NRDE2: variants seen among roughly 807,000 people sequenced by gnomAD.
The protein encoded by NRDE2 is NRDE-2, necessary for RNA interference, domain containing.
In NRDE2, 76 loss-of-function variants were observed where a neutral mutation model predicts 124.2. The ratio of observed to expected loss-of-function variants is 0.61; its 90% CI spans 0.51 to 0.74. The LOEUF (loss-of-function observed/expected upper bound fraction) is 0.74. Ranked by LOEUF, NRDE2 falls within the 30% of genes least tolerant of loss-of-function variation. The probability of loss-of-function intolerance (pLI) is 0.00; values close to 1 mark genes in which losing one functional copy is unlikely to be tolerated. For missense variants in NRDE2, 1,314 were observed against 1,417.3 expected (o/e 0.93, Z 1.17); for synonymous variants, 489 against 528.1 (o/e 0.93, Z 1.01).
rs17799220 is a variant in NRDE2 at position 90,273,102 on chromosome 14, C to A, written c.*5234G>T. The stretch of plus-strand genomic sequence containing the variant: ...CTTTCTCCGTCTATTTCCGTCATTT[C>A]TCTTTCTGAACAAATCAGGCCTAAA... On this transcript the variant is annotated 3_prime_UTR_variant, in exon 14 of 14. Transcript: ENST00000354366. 0.15 allele frequency: 23,073 copies of A among 152,148 alleles called. 2,131 individuals are homozygous for A. The highest frequency in any genetic ancestry group is 0.2 in the South Asian group (985 of 4,816). The allele number at this position is 152,148 out of a possible 1,614,324, so 9.4% of individuals were successfully genotyped here.
intron 12 of NRDE2, among the ~76,000 whole-genome samples, chr14:90,283,713 GTT>G (rs200387827): frequency 2.8e-5 from 4 of 142,474 alleles, no homozygotes; most frequent in Admixed American, 7.0e-5. Context: ...CAGGTTTTTT[GTT>G]TTTTTTTTTT....
chr14:90,298,222 G>A (rs772614361), intron 8 of NRDE2, 38 bp downstream of exon 8: 22 of 1,597,518 alleles, frequency 1.4e-5, no homozygotes, highest in Middle Eastern at 1.7e-4. Context: ...AATTCCAGAA[G>A]AAACAGAAGT....
Position 90,269,350 on chromosome 14 carries a change from A to G in NRDE2, c.*8986T>C. ...GTCTTTGCTGTAATTCCCCTTGAGC[A>G]GGCGATCAGTTGAGTCTTCATTCCT... On this transcript the variant is annotated 3_prime_UTR_variant, in exon 14 of 14. Transcript: ENST00000354366. The G allele has an allele frequency of 6.6e-7, 1 of 1,522,594 alleles. No homozygotes were observed. Among genetic ancestry groups the G allele is most frequent in the South Asian group, 1.2e-5 (1 of 83,824 alleles). 94.3% of individuals were successfully genotyped at this position (1,522,594 alleles called of 1,614,324 possible).
chr14:90,314,079 C>T (rs956998154), intron 3 of NRDE2, among the ~76,000 whole-genome samples: 1 of 152,196 alleles, frequency 6.6e-6, no homozygotes, highest in Non-Finnish European at 1.5e-5. Context: ...CCTCTCCCCT[C>T]GGCGGTACTG....
chr14:90,307,025 T>G (rs539560284), intron 4 of NRDE2, among the ~76,000 whole-genome samples: 55 of 152,320 alleles, frequency 3.6e-4, no homozygotes, highest in Admixed American at 3.5e-3. Flanking sequence ...ACAGCTGCAT[T>G]TTTATAACAA....
Position 90,289,127 on chromosome 14 carries a change from T to C in NRDE2, c.2248A>G (p.Thr750Ala), listed in dbSNP as rs375341446. The change falls in exon 11 of 14, where the codon ACT becomes GCT. Residue 750 changes from threonine to alanine, a missense_variant. Transcript: ENST00000354366. Reference protein sequence around the residue: ...EIAKVIWCLHTKNKKRLKSQG... With the variant: ...EIAKVIWCLHAKNKKRLKSQG... ...GACTTTAATCTCTTCTTGTTTTTAGTGTGCAGGCACCAAATGACCTACAGG... is the reference window on the plus strand; with the variant it reads ...GACTTTAATCTCTTCTTGTTTTTAGCGTGCAGGCACCAAATGACCTACAGG... 126 of 1,606,226 alleles carry C rather than the reference T, an allele frequency of 7.8e-5. No homozygotes were observed. The highest frequency in any genetic ancestry group is 1.0e-4 in the Non-Finnish European group (119 of 1,174,196).
At chr14:90,323,507 T>A (rs1022432958) in intron 1 of NRDE2, among the ~76,000 whole-genome samples, 1 of 152,206 alleles carries the variant, frequency 6.6e-6, no homozygotes, top group African/African-American at 2.4e-5. Context: ...TCAAAAAACA[T>A]TTCTAGGGCC....
At chr14:90,331,752 A>C (rs574095855) in intron 1 of NRDE2, 89 bp downstream of exon 1, 1 of 1,413,068 alleles carries the variant, frequency 7.1e-7, no homozygotes, top group East Asian at 2.3e-5. Context: ...AAATGGATAC[A>C]CAAATCCAAA....
intron 4 of NRDE2, among the ~76,000 whole-genome samples, chr14:90,305,673 C>T (rs1176698397): frequency 2.0e-5 from 3 of 152,140 alleles, no homozygotes; most frequent in Non-Finnish European, 2.9e-5. Flanking sequence ...AAGCCAGATA[C>T]AAAAGAGTAC....
chr14:90,280,674 C>G (rs1024548833), intron 12 of NRDE2: 2 of 152,212 alleles, frequency 1.3e-5, no homozygotes. Flanking sequence ...TGAGACGTGG[C>G]CTGCGTGTAC....
Position 90,283,241 on chromosome 14 carries a change from C to A in NRDE2, c.3297+3113G>T, listed in dbSNP as rs143419797. Among the ~76,000 whole-genome samples, 5 of 152,300 alleles carry A rather than the reference C, an allele frequency of 3.3e-5. No homozygotes were observed. In the South Asian group the frequency reaches 1.0e-3, roughly 32 times the overall value. On this transcript the variant is annotated intron_variant, in intron 12 of 13. Transcript: ENST00000354366. ...TCTCTGCTCTAATTAGTCCTTAGTT[C>A]CAATACTACCTTTCCAAAAAGAGAG...
At position 90,269,545 on chromosome 14, in the gene NRDE2, C is replaced by A. The variant is rs1368582660; in HGVS notation, c.*8791G>T. On this transcript the variant is annotated 3_prime_UTR_variant, in exon 14 of 14. Coordinates refer to ENST00000354366, the MANE Select transcript of NRDE2 (RefSeq NM_017970.4). ...AACTTTGGATCCAGCACTTATCAGACCAGGTTAAATTTGCTTTGGTTTCAT... is the reference window on the plus strand; with the variant it reads ...AACTTTGGATCCAGCACTTATCAGAACAGGTTAAATTTGCTTTGGTTTCAT... 2 of 1,613,048 alleles carry A rather than the reference C, an allele frequency of 1.2e-6. No individual in the cohort carries two copies. Among genetic ancestry groups the A allele is most frequent in the Non-Finnish European group, 1.7e-6 (2 of 1,179,572 alleles).
chr14:90,328,938 C>T (rs141756085), intron 1 of NRDE2, among the ~76,000 whole-genome samples: 2 of 152,328 alleles, frequency 1.3e-5, no homozygotes, highest in Non-Finnish European at 2.9e-5. Context: ...GACAATCCAA[C>T]TGTAAAATCC....
At chr14:90,305,618 T>C (rs1469973150) in intron 4 of NRDE2, among the ~76,000 whole-genome samples, 2 of 152,250 alleles carry the variant, frequency 1.3e-5, no homozygotes, top group South Asian at 4.1e-4. Flanking sequence ...AAGTGCCTTA[T>C]GGACGGATGA....
intron 1 of NRDE2, among the ~76,000 whole-genome samples, chr14:90,326,282 C>T (rs1885433404): frequency 6.6e-6 from 1 of 151,830 alleles, no homozygotes; most frequent in Non-Finnish European, 1.5e-5. Flanking sequence ...ATCATGAGGT[C>T]AGGAGATCGA....
rs1007922677 is a variant in NRDE2 at position 90,312,516 on chromosome 14, A to G, written c.435T>C (p.Thr145=). The change falls in exon 4 of 14, where the codon ACT becomes ACC. Residue 145 remains threonine (T), a synonymous_variant. Coordinates refer to ENST00000354366, the MANE Select transcript of NRDE2 (RefSeq NM_017970.4). The part of the protein sequence containing the change: ...PNQGNNAAAD[T]GHRFVWLEDI... ...CCTCAAGCCAAACAAAGCGATGTCC[A>G]GTATCAGCTGCAGCATTATTTCCTT... 18 of 1,614,158 alleles carry G rather than the reference A, an allele frequency of 1.1e-5. No individual in the cohort carries two copies. The highest frequency in any genetic ancestry group is 1.7e-5 in the Admixed American group (1 of 60,036).
At chr14:90,312,194 A>G (rs1413655664) in intron 4 of NRDE2, among the ~76,000 whole-genome samples, 200 bp downstream of exon 4, 1 of 152,214 alleles carries the variant, frequency 6.6e-6, no homozygotes, top group Non-Finnish European at 1.5e-5. Flanking sequence ...AGGGATAAAT[A>G]AGATTAATCT....
intron 9 of NRDE2, 30 bp from the exon 10 acceptor site, chr14:90,290,637 T>G (rs1197995190): frequency 6.4e-7 from 1 of 1,571,052 alleles, no homozygotes; most frequent in African/African-American, 1.4e-5. Context: ...AAGCGACCCA[T>G]GTAACAAAAC....
Position 90,331,836 on chromosome 14 carries a change from C to CTTACCTT in NRDE2, c.62_64+4dup, listed in dbSNP as rs1171720161. On this transcript the variant is annotated splice_donor_region_variant and intron_variant, in intron 1 of 13. Transcript: ENST00000354366. ...GTGCCTTCTTCGGCTCGTTTGTGTGCTTACCTTTCCTGGAGCTCCCGCCAT... is the reference window on the plus strand; with the variant it reads ...GTGCCTTCTTCGGCTCGTTTGTGTGCTTACCTTTTACCTTTCCTGGAGCTCCCGCCAT... The CTTACCTT allele has an allele frequency of 6.2e-7, 1 of 1,614,126 alleles. No individual in the cohort carries two copies. The highest frequency in any genetic ancestry group is 8.5e-7 in the Non-Finnish European group (1 of 1,180,036).
Sources: allele counts gnomAD v4.1 joint callset (sites outside exome capture counted in the v4.1 genomes callset), GRCh38; gene constraint gnomAD v4.1.1; transcripts MANE v1.5; gene names NCBI Gene and HGNC (gene_info 2026-07-23, HGNC 2026-07-21).